STK3: variants seen among roughly 807,000 people sequenced by gnomAD.
STK3 encodes serine/threonine kinase 3, also known as serine/threonine-protein kinase 3.
In STK3, 41 loss-of-function variants were observed where a neutral mutation model predicts 58.0. The observed-to-expected ratio is 0.71, with a 90% CI of 0.55 to 0.92. STK3 has a LOEUF of 0.92. Ranked by LOEUF, STK3 falls within the 40% of genes least tolerant of loss-of-function variation. The pLI, the probability that STK3 is intolerant of heterozygous loss-of-function variation, is 0.00. For synonymous variants in STK3, 170 were observed against 191.0 expected, an observed-to-expected ratio of 0.89 and a Z score of 0.91; for missense variants, 479 against 602.7, an observed-to-expected ratio of 0.79 and a Z score of 2.15.
At chr8:98,779,997 TAC>T (rs1436007597) in intron 1 of STK3, among the ~76,000 whole-genome samples, 29 of 151,968 alleles carry the variant, frequency 1.9e-4, no homozygotes, top group African/African-American at 6.3e-4. Flanking sequence ...AAACTGAGAA[TAC>T]AGACACATTC....
intron 4 of STK3, among the ~76,000 whole-genome samples, chr8:98,731,501 C>T (rs978638437): frequency 7.9e-5 from 12 of 152,094 alleles, no homozygotes; most frequent in Middle Eastern, 3.4e-3. Context: ...GGGAGGATCA[C>T]GAGGTCAGGA....
At position 98,825,585 on chromosome 8, in the gene STK3, G is replaced by A; in HGVS notation, c.-45C>T. On this transcript the variant is annotated 5_prime_UTR_variant, in exon 1 of 11. Coordinates refer to ENST00000419617, the MANE Select transcript of STK3 (RefSeq NM_006281.4). Reference sequence around the variant, plus strand: ...AGGGACCTGGTGGACGGCGAAGGCCGAAAGGAGGAAAGGAGCCGGGGCACC... The same window carrying A: ...AGGGACCTGGTGGACGGCGAAGGCCAAAAGGAGGAAAGGAGCCGGGGCACC... 1 of 1,406,272 alleles carries A rather than the reference G, an allele frequency of 7.1e-7. No homozygotes were observed. The allele number at this position is 1,406,272 out of a possible 1,614,324, so 87.1% of individuals were successfully genotyped here. A position where few individuals can be genotyped will look rare whatever the true frequency, so the allele number is the denominator to read the frequency against.
At chr8:98,440,455 C>A (rs1162190303) in intron 1 of STK3, among the ~76,000 whole-genome samples, 2 of 152,140 alleles carry the variant, frequency 1.3e-5, no homozygotes, top group Non-Finnish European at 2.9e-5. Context: ...AATTCCAGAA[C>A]CCTTTTCATC....
chr8:98,539,995 C>A (rs540755578), intron 9 of STK3, among the ~76,000 whole-genome samples: 4 of 152,294 alleles, frequency 2.6e-5, no homozygotes, highest in African/African-American at 9.6e-5. Flanking sequence ...CTTAGGTGAT[C>A]CCCCTGCCTT....
At chr8:98,663,641 A>C (rs1054412625) in intron 6 of STK3, among the ~76,000 whole-genome samples, 52 of 152,208 alleles carry the variant, frequency 3.4e-4, no homozygotes, top group African/African-American at 1.2e-3. Flanking sequence ...AAAATGATAG[A>C]GTGGATTAAG....
intron 8 of STK3, among the ~76,000 whole-genome samples, chr8:98,561,430 T>C (rs574967721): frequency 4.6e-5 from 7 of 152,124 alleles, no homozygotes; most frequent in Non-Finnish European, 1.0e-4. Flanking sequence ...AGAAAATCTA[T>C]GGGACCTTGA....
chr8:98,904,977 T>G (rs1254096674), intron 1 of STK3: 2 of 735,642 alleles, frequency 2.7e-6, no homozygotes, highest in Non-Finnish European at 2.5e-6. Context: ...TACTGCCTCG[T>G]AAGAGCAGAC....
intron 10 of STK3, among the ~76,000 whole-genome samples, chr8:98,518,251 AAT>A (rs1825088053): frequency 6.6e-6 from 1 of 152,078 alleles, no homozygotes; most frequent in Non-Finnish European, 1.5e-5. Context: ...ATGATGATAT[AAT>A]GAGTTTTAAC....
Position 98,916,138 on chromosome 8 carries a change from G to A in STK3, c.-79+26240C>T, listed in dbSNP as rs112928279. On this transcript the variant is annotated intron_variant, in intron 1 of 1. Coordinates refer to the STK3 transcript ENST00000519420. ...TTTAAAAAAATACGAAAACTGGCCCGTCGTGGTGGCTCACGCCTGTAATCC... is the reference window on the plus strand; with the variant it reads ...TTTAAAAAAATACGAAAACTGGCCCATCGTGGTGGCTCACGCCTGTAATCC... Among the ~76,000 whole-genome samples, 265 of 152,262 alleles carry A rather than the reference G, an allele frequency of 1.7e-3. 1 individual carries two copies. Among genetic ancestry groups the A allele is most frequent in the African/African-American group, 6.0e-3 (251 of 41,544 alleles).
chr8:98,489,024 CTG>C (rs907633116), intron 10 of STK3, among the ~76,000 whole-genome samples: 5 of 152,150 alleles, frequency 3.3e-5, no homozygotes, highest in African/African-American at 9.7e-5. Context: ...GACCATGAAA[CTG>C]AGAGCCTCAC....
chr8:98,402,906 G>A (rs1817957848), intron 3 of STK3, among the ~76,000 whole-genome samples: 1 of 152,222 alleles, frequency 6.6e-6, no homozygotes, highest in Non-Finnish European at 1.5e-5. Context: ...TGGGTGAGAG[G>A]CTGAGAGAGG....
rs561433780 is a variant in STK3 at position 98,522,461 on chromosome 8, G to A, written c.1317+4281C>T. Among the ~76,000 whole-genome samples, 183 of 152,108 alleles carry A rather than the reference G, an allele frequency of 1.2e-3. 1 individual carries two copies. Among genetic ancestry groups the A allele is most frequent in the South Asian group, 2.3e-3 (11 of 4,800 alleles). ...ATTTATTTCCATATCTTATGAATTA[G>A]GACTAGACTTCTGACATATTTTGAC... On this transcript the variant is annotated intron_variant, in intron 10 of 10. Coordinates refer to ENST00000419617, the MANE Select transcript of STK3 (RefSeq NM_006281.4).
chr8:98,772,971 A>G (rs1023086430), intron 2 of STK3, among the ~76,000 whole-genome samples: 2 of 151,956 alleles, frequency 1.3e-5, no homozygotes, highest in African/African-American at 4.8e-5. Flanking sequence ...AGAAAATGTG[A>G]CCTGTAAAAA....
chr8:98,701,481 T>C (rs1159975989), intron 6 of STK3, among the ~76,000 whole-genome samples: 1 of 151,976 alleles, frequency 6.6e-6, no homozygotes, highest in Non-Finnish European at 1.5e-5. Flanking sequence ...TAGCTTGGCA[T>C]GGTGGTGCGC....
chr8:98,675,795 C>T (rs1408223536), intron 6 of STK3, among the ~76,000 whole-genome samples: 1 of 151,544 alleles, frequency 6.6e-6, no homozygotes, highest in Non-Finnish European at 1.5e-5. Context: ...ACCCGGGAGG[C>T]GGAGCTTGCA....
intron 4 of STK3, among the ~76,000 whole-genome samples, chr8:98,742,783 G>T (rs1414179585): frequency 3.6e-4 from 54 of 151,782 alleles, no homozygotes; most frequent in East Asian, 2.1e-3. Context: ...AAAGAGGAAG[G>T]CAAATTGTCC....
Position 98,581,845 on chromosome 8 carries a change from C to G in STK3, c.823-2056G>C, listed in dbSNP as rs1351473864. Among the ~76,000 whole-genome samples, 3 of 151,804 alleles carry G rather than the reference C, an allele frequency of 2.0e-5. No individual in the cohort carries two copies. The South Asian group carries it at 6.2e-4, about 32-fold the overall frequency. ...TTCCACCTTTTAGAGTCTTTTTATG[C>G]TTGTTTTATATACTTACAATGTCCA... On this transcript the variant is annotated intron_variant, in intron 7 of 10. Transcript: ENST00000419617.
chr8:98,600,216 G>A (rs955982796), intron 6 of STK3, among the ~76,000 whole-genome samples: 1 of 152,166 alleles, frequency 6.6e-6, no homozygotes, highest in Admixed American at 6.5e-5. Flanking sequence ...TTAAGGGAGA[G>A]GGTGCAGCTG....
chr8:98,799,546 T>C (rs1441318733), intron 1 of STK3, among the ~76,000 whole-genome samples: 4 of 152,184 alleles, frequency 2.6e-5, no homozygotes, highest in Non-Finnish European at 5.9e-5. Flanking sequence ...AGCCAAGGTA[T>C]ATTCTTCTTA....
Sources: allele counts gnomAD v4.1 joint callset (sites outside exome capture counted in the v4.1 genomes callset), GRCh38; gene constraint gnomAD v4.1.1; transcripts MANE v1.5; gene names NCBI Gene and HGNC (gene_info 2026-07-23, HGNC 2026-07-21).